The following ATP6V0A4 variants were observed in gnomAD, a reference collection of about 807,000 sequenced individuals.
ATP6V0A4 encodes the protein V-type proton ATPase 116 kDa subunit a 4.
In ATP6V0A4, 86 loss-of-function variants were observed where a neutral mutation model predicts 107.3. That is an observed-to-expected ratio of 0.80 (90% CI 0.67 to 0.96). The LOEUF is 0.96. Among genes scored for constraint, ATP6V0A4 ranks in the 40% least tolerant of loss-of-function variants. ATP6V0A4 has a pLI of 0.00. For synonymous variants in ATP6V0A4, 353 were observed against 381.4 expected, an observed-to-expected ratio of 0.93 and a Z score of 0.87; for missense variants, 908 against 1,045.6, an observed-to-expected ratio of 0.87 and a Z score of 1.81.
chr7:138,740,266 A>G (rs1357727051), intron 14 of ATP6V0A4, among the ~76,000 whole-genome samples: 1 of 152,048 alleles, frequency 6.6e-6, no homozygotes, highest in African/African-American at 2.4e-5. Flanking sequence ...AAGTCTCCCC[A>G]GGGAACACTG....
chr7:138,784,253 C>A (rs567181849), intron 2 of ATP6V0A4, among the ~76,000 whole-genome samples: 4 of 106,182 alleles, frequency 3.8e-5, no homozygotes, highest in African/African-American at 2.1e-4. Flanking sequence ...TATATATATA[C>A]ATATATATAT....
intron 1 of ATP6V0A4, among the ~76,000 whole-genome samples, chr7:138,792,602 G>T (rs1183760875): frequency 6.6e-6 from 1 of 151,966 alleles, no homozygotes; most frequent in Non-Finnish European, 1.5e-5. Flanking sequence ...TGATTTGTTT[G>T]TTTTTAAATT....
rs1374695062 is a variant in ATP6V0A4 at position 138,797,957 on chromosome 7, G to A, written c.-121+77C>T. 6.5e-6 allele frequency: 10 copies of A among 1,539,158 alleles called. No individual in the cohort carries two copies. The African/African-American group carries it at 9.6e-5, about 15-fold the overall frequency. On this transcript the variant is annotated intron_variant, in intron 1 of 21. Coordinates refer to ENST00000310018, the MANE Select transcript of ATP6V0A4 (RefSeq NM_020632.3). ...AGTTTCCTTTGCTCCACCCCATGGT[G>A]TTTCCCCCAAACACCCAGCATAAGT... is the stretch of plus-strand genomic sequence containing the variant.
At chr7:138,781,975 G>A (rs4732334) in intron 2 of ATP6V0A4, among the ~76,000 whole-genome samples, 59,160 of 151,584 alleles carry the variant, frequency 0.39, 11,865 homozygotes, top group East Asian at 0.5. Context: ...ACTGCACCTG[G>A]ACCCCAATAA....
intron 10 of ATP6V0A4, among the ~76,000 whole-genome samples, chr7:138,755,202 G>C (rs1241243608): frequency 6.6e-6 from 1 of 152,224 alleles, no homozygotes; most frequent in African/African-American, 2.4e-5. Context: ...AGTGACCCTG[G>C]ATGGTGACAG....
chr7:138,745,962 A>AAAAATATATATATATATATATATATATAT (rs1554396065), intron 13 of ATP6V0A4, among the ~76,000 whole-genome samples: 1 of 65,682 alleles, frequency 1.5e-5, no homozygotes, highest in African/African-American at 6.7e-5. Context: ...AAAAAAAAAA[A>AAAAATATATATATATATATATATATATAT]ATATATATAT....
At chr7:138,775,358 G>A (rs1310674118) in intron 2 of ATP6V0A4, among the ~76,000 whole-genome samples, 1 of 152,052 alleles carries the variant, frequency 6.6e-6, no homozygotes, top group African/African-American at 2.4e-5. Context: ...AAAAGATAAG[G>A]ATTCTTTTAT....
At chr7:138,734,982 G>T (rs1031180276) in intron 15 of ATP6V0A4, among the ~76,000 whole-genome samples, 1 of 152,014 alleles carries the variant, frequency 6.6e-6, no homozygotes, top group African/African-American at 2.4e-5. Flanking sequence ...TCAAGAAGCC[G>T]TTCCTGTAGC....
intron 8 of ATP6V0A4, 56 bp from the exon 9 acceptor site, chr7:138,756,596 A>G (rs2117300931): frequency 6.3e-7 from 1 of 1,579,164 alleles, no homozygotes; most frequent in East Asian, 2.2e-5. Flanking sequence ...TGGTTAAAAC[A>G]TAATAGAGAG....
rs1157184618 is a variant in ATP6V0A4 at position 138,715,897 on chromosome 7, G to A, written c.2140-16C>T. ...CAAAGTTGAACTGAAAGACGGAATT[G>A]TTTATTTTACTTCATTGAGAATTTT... On this transcript the variant is annotated splice_polypyrimidine_tract_variant and intron_variant, in intron 19 of 21. Coordinates refer to ENST00000310018, the MANE Select transcript of ATP6V0A4 (RefSeq NM_020632.3). The A allele has an allele frequency of 6.2e-7, 1 of 1,611,142 alleles. No homozygotes were observed. Among genetic ancestry groups the A allele is most frequent in the Non-Finnish European group, 8.5e-7 (1 of 1,177,946 alleles).
chr7:138,792,876 G>C (rs975306920), intron 1 of ATP6V0A4, among the ~76,000 whole-genome samples: 3 of 151,564 alleles, frequency 2.0e-5, no homozygotes, highest in African/African-American at 7.3e-5. Flanking sequence ...CTTGAACAGG[G>C]TTTTAGAAAA....
intron 2 of ATP6V0A4, among the ~76,000 whole-genome samples, chr7:138,777,402 G>A (rs897550347): frequency 3.9e-5 from 6 of 151,970 alleles, no homozygotes; most frequent in African/African-American, 1.5e-4. Context: ...ATCACCTGAG[G>A]TCAGGAGTTC....
intron 21 of ATP6V0A4, 130 bp from the exon 22 acceptor site, chr7:138,706,847 C>T (rs1402754247): frequency 1.0e-5 from 15 of 1,453,958 alleles, no homozygotes; most frequent in Admixed American, 2.0e-5. Context: ...GGGTTGGCCA[C>T]GGCAGGCACC....
intron 14 of ATP6V0A4, among the ~76,000 whole-genome samples, chr7:138,743,045 A>G (rs1232124442): frequency 2.0e-5 from 3 of 152,170 alleles, no homozygotes; most frequent in Non-Finnish European, 2.9e-5. Context: ...TAGCAGAGAA[A>G]CAAGAAGAGA....
chr7:138,760,444 C>CA (rs570463822), intron 7 of ATP6V0A4, among the ~76,000 whole-genome samples: 777 of 60,642 alleles, frequency 0.013, 18 homozygotes, highest in East Asian at 0.056. Context: ...AACTCTGTCT[C>CA]AAAAAAAAAA....
chr7:138,740,420 A>G (rs1244900941), intron 14 of ATP6V0A4, among the ~76,000 whole-genome samples: 1 of 145,224 alleles, frequency 6.9e-6, no homozygotes, highest in Non-Finnish European at 1.5e-5. Context: ...ATGGGAAGAA[A>G]TTTCTTTTTT....
intron 15 of ATP6V0A4, among the ~76,000 whole-genome samples, chr7:138,735,670 T>C (rs12112408): frequency 0.66 from 100,988 of 152,068 alleles, 34,078 homozygotes; most frequent in East Asian, 0.97. Context: ...TCACATGGGC[T>C]TTGGCATCTA....
At position 138,709,648 on chromosome 7, in the gene ATP6V0A4, A is replaced by C. The variant is rs1288053645; in HGVS notation, c.2405T>G (p.Phe802Cys). ...CCAGTGCAGTCGCAGGGCGTGCAGG[A>C]AAGCAGAGAGGCCCTCCATGATCAG... is the stretch of plus-strand genomic sequence containing the variant. Reference protein sequence around the residue: ...ILLIMEGLSAFLHALRLHWVE... With the variant: ...ILLIMEGLSACLHALRLHWVE... The change falls in exon 21 of 22, where the codon TTC becomes TGC. Residue 802 changes from phenylalanine (F) to cysteine (C), a missense_variant. Coordinates refer to ENST00000310018, the MANE Select transcript of ATP6V0A4 (RefSeq NM_020632.3). 6.2e-7 allele frequency: 1 copy of C among 1,613,248 alleles called. No homozygotes were observed.
intron 5 of ATP6V0A4, among the ~76,000 whole-genome samples, chr7:138,764,534 A>C (rs1262013796): frequency 6.6e-6 from 1 of 152,200 alleles, no homozygotes; most frequent in Non-Finnish European, 1.5e-5. Flanking sequence ...TATGAGAAAA[A>C]TTTAGTGAAT....
Sources: gnomAD v4.1 joint callset for allele counts (sites outside exome capture counted in the v4.1 genomes callset) on GRCh38, gnomAD v4.1.1 for gene constraint, MANE v1.5 for transcripts, NCBI Gene and HGNC (gene_info 2026-07-23, HGNC 2026-07-21) for gene names.